UBA5: variants seen among roughly 807,000 people sequenced by gnomAD.
The protein encoded by UBA5 is ubiquitin-like modifier-activating enzyme 5.
A neutral mutation model predicts 52.9 loss-of-function variants in UBA5; 28 were observed. The ratio of observed to expected loss-of-function variants is 0.53; its 90% CI spans 0.39 to 0.73. UBA5 has a LOEUF of 0.73. UBA5 is among the 30% of genes least tolerant of loss of function. UBA5 has a pLI of 0.00. For synonymous variants in UBA5, 135 were observed against 162.1 expected, an observed-to-expected ratio of 0.83 and a Z score of 1.27; for missense variants, 388 against 492.7, an observed-to-expected ratio of 0.79 and a Z score of 2.01.
chr3:132,663,242 T>G (rs1233269386), intron 1 of UBA5, among the ~76,000 whole-genome samples: 2 of 151,986 alleles, frequency 1.3e-5, no homozygotes, highest in African/African-American at 2.4e-5. Flanking sequence ...TAAAAAAAAC[T>G]TTCAGTTGAA....
chr3:132,678,667 T>A lies in UBA5; in HGVS notation c.*2141T>A, dbSNP rs1938930224. 6.6e-6 allele frequency among the ~76,000 whole-genome samples: 1 copy of A among 152,134 alleles called. No homozygotes were observed. The highest frequency in any genetic ancestry group is 6.5e-5 in the Admixed American group (1 of 15,280). On this transcript the variant is annotated 3_prime_UTR_variant, in exon 12 of 12. Coordinates refer to ENST00000356232, the MANE Select transcript of UBA5 (RefSeq NM_024818.6). ...ATATTTATTTATTTATTTATTTTTTTGAGACAGAGTCTCACTCTGTTGCCC... is the reference window on the plus strand; with the variant it reads ...ATATTTATTTATTTATTTATTTTTTAGAGACAGAGTCTCACTCTGTTGCCC...
intron 1 of UBA5, among the ~76,000 whole-genome samples, chr3:132,665,191 T>C (rs938682188): frequency 2.0e-5 from 3 of 151,996 alleles, no homozygotes; most frequent in Non-Finnish European, 4.4e-5. Flanking sequence ...GCATGTTGTT[T>C]AGGAATATGA....
intron 1 of UBA5, among the ~76,000 whole-genome samples, chr3:132,665,486 T>C (rs927570107): frequency 6.6e-5 from 10 of 152,130 alleles, no homozygotes; most frequent in African/African-American, 2.2e-4. Context: ...GTTAAAACAT[T>C]AAATATTTAC....
upstream of UBA5, chr3:132,659,805 G>A (rs559137175): frequency 4.5e-5 from 69 of 1,533,248 alleles, no homozygotes; most frequent in Non-Finnish European, 5.9e-5. Flanking sequence ...GAGTGCCGAA[G>A]TCCTTCAGGA....
chr3:132,672,208 T>G, intron 8 of UBA5, 31 bp downstream of exon 8: 2 of 1,596,810 alleles, frequency 1.3e-6, no homozygotes, highest in East Asian at 4.5e-5. Flanking sequence ...CTGAATAGTC[T>G]TGTATGCTTT....
rs1938802570 is a variant in UBA5 at position 132,675,602 on chromosome 3, C to T, written c.949-3C>T. On this transcript the variant is annotated splice_region_variant and splice_polypyrimidine_tract_variant and intron_variant, in intron 9 of 11. Transcript: ENST00000356232. ...ACACTTTGATGCTGTTTGATTTCTA[C>T]AGAAAAAGGTAGCAGCACTGCCTAA... 2 of 1,608,196 alleles carry T rather than the reference C, an allele frequency of 1.2e-6. No individual in the cohort carries two copies. Among genetic ancestry groups the T allele is most frequent in the South Asian group, 1.1e-5 (1 of 89,702 alleles).
intron 4 of UBA5, among the ~76,000 whole-genome samples, chr3:132,669,996 T>C (rs1408066688): frequency 6.6e-6 from 1 of 152,212 alleles, no homozygotes; most frequent in Non-Finnish European, 1.5e-5. Context: ...CACAGTTTTT[T>C]CTTACTACAG....
In UBA5 at chr3:132,676,580, T is replaced by C. The variant is rs1278380908; in HGVS notation, c.*54T>C. On this transcript the variant is annotated 3_prime_UTR_variant, in exon 12 of 12. Transcript: ENST00000356232. This position sits in a 1 kb window ranked among gnomAD's most constrained non-coding sequence, Gnocchi z 4.1. ...CATGTTAAAGCCTCTTCCCTTGAAA[T>C]TAAAAAAAAATTTTAACTGATAAAA... The C allele has an allele frequency of 2.8e-5, 38 of 1,381,436 alleles. No individual in the cohort carries two copies. The highest frequency in any genetic ancestry group is 3.8e-5 in the Non-Finnish European group (38 of 998,310). The allele number at this position is 1,381,436 out of a possible 1,614,324, so 85.6% of individuals were successfully genotyped here.
intron 4 of UBA5, 42 bp from the exon 5 acceptor site, chr3:132,670,156 C>G (rs1289301005): frequency 2.0e-6 from 2 of 982,008 alleles, no homozygotes; most frequent in African/African-American, 3.3e-5. Flanking sequence ...TCTTGAAATG[C>G]TAGGATTACA....
chr3:132,671,452 T>C (rs1938597087), intron 6 of UBA5, among the ~76,000 whole-genome samples: 1 of 152,212 alleles, frequency 6.6e-6, no homozygotes, highest in Admixed American at 6.5e-5. Flanking sequence ...ATATTGTTTT[T>C]AACTTTTCAG....
chr3:132,662,464 C>T (rs1287863660), intron 1 of UBA5, among the ~76,000 whole-genome samples: 2 of 152,026 alleles, frequency 1.3e-5, no homozygotes, highest in African/African-American at 2.4e-5. Context: ...AGTAAACATG[C>T]CATTGCAGTA....
Position 132,660,732 on chromosome 3 carries a change from G to T in UBA5, c.161+34G>T. On this transcript the variant is annotated intron_variant, in intron 1 of 11. Coordinates refer to ENST00000356232, the MANE Select transcript of UBA5 (RefSeq NM_024818.6). The surrounding 1 kb of genome is among the most constrained non-coding windows in gnomAD (Gnocchi z 4.1). ...CGTCGCCGGTCGGAGGCAGGCGCGG[G>T]GGACGAGGTCAGGCTCCGTGAGGTC... 3 of 1,507,634 alleles carry T rather than the reference G, an allele frequency of 2.0e-6. No individual in the cohort carries two copies. In the South Asian group the frequency reaches 3.9e-5, roughly 19 times the overall value. 93.4% of individuals were successfully genotyped at this position (1,507,634 alleles called of 1,614,324 possible). A position where few individuals can be genotyped will look rare whatever the true frequency, so the allele number is the denominator to read the frequency against.
rs952787411 is a variant in UBA5 at position 132,678,822 on chromosome 3, G to C, written c.*2296G>C. On this transcript the variant is annotated 3_prime_UTR_variant, in exon 12 of 12. Transcript: ENST00000356232. ...CCGCCACCACGCATGGCTAATTTTT[G>C]TATTTTTAGTAGAGGCGAGGTTTCA... 6.6e-6 allele frequency among the ~76,000 whole-genome samples: 1 copy of C among 151,404 alleles called. No homozygotes were observed. The highest frequency in any genetic ancestry group is 6.6e-5 in the Admixed American group (1 of 15,194).
upstream of UBA5, chr3:132,660,065 A>C: frequency 2.7e-6 from 1 of 367,574 alleles, no homozygotes; most frequent in East Asian, 5.0e-5. This position sits in a 1 kb window ranked among gnomAD's most constrained non-coding sequence, Gnocchi z 4.1. Flanking sequence ...GGAACAACGC[A>C]GAAGCCTCTT....
chr3:132,666,111 A>G, intron 3 of UBA5, 38 bp downstream of exon 3: 2 of 1,565,110 alleles, frequency 1.3e-6, no homozygotes, highest in South Asian at 2.2e-5. Flanking sequence ...ATAGGGAACT[A>G]CTCACTCCTG....
At chr3:132,667,630 C>G (rs1938432090) in intron 3 of UBA5, 1 of 152,116 alleles carries the variant, frequency 6.6e-6, no homozygotes, top group African/African-American at 2.4e-5. Flanking sequence ...TCCCTGAAAG[C>G]CTTTGGATCT....
At chr3:132,658,961 G>A (rs1038633208), upstream of UBA5, among the ~76,000 whole-genome samples, 1 of 152,088 alleles carries the variant, frequency 6.6e-6, no homozygotes, top group Non-Finnish European at 1.5e-5. Context: ...CTGAATGATA[G>A]GACTCTTTCT....
Position 132,672,169 on chromosome 3 carries a change from C to T in UBA5, c.804C>T (p.Asn268=), listed in dbSNP as rs763860645. Residue 268 remains asparagine, a synonymous_variant, in exon 8 of 12, where the codon AAC becomes AAT. Transcript: ENST00000356232. ...TGGTTGCTGGGATCTTAGTACAAAA[C>T]GTGTTAAAGTAAGTCAGGGCTAATT... is the stretch of plus-strand genomic sequence containing the variant. ...MGVVAGILVQ[N]VLKFLLNFGT... is the part of the protein sequence containing the mutation. 1.2e-5 allele frequency: 19 copies of T among 1,613,340 alleles called. No homozygotes were observed. The South Asian group carries it at 1.3e-4, about 11-fold the overall frequency.
chr3:132,676,023 A>T lies in UBA5; in HGVS notation c.1131+100A>T. The T allele has an allele frequency of 1.2e-6, 1 of 820,444 alleles. No individual in the cohort carries two copies. Among genetic ancestry groups the T allele is most frequent in the Non-Finnish European group, 1.9e-6 (1 of 525,124 alleles). 50.8% of individuals were successfully genotyped at this position (820,444 alleles called of 1,614,324 possible). ...GCCAATGAAGTATTTCCTGTTTTAG[A>T]TATTTTATGCTATAGGCATTAAGAT... On this transcript the variant is annotated intron_variant, in intron 11 of 11. Coordinates refer to ENST00000356232, the MANE Select transcript of UBA5 (RefSeq NM_024818.6). This position sits in a 1 kb window ranked among gnomAD's most constrained non-coding sequence, Gnocchi z 4.1.
Sources: allele counts gnomAD v4.1 joint callset (sites outside exome capture counted in the v4.1 genomes callset), GRCh38; gene constraint gnomAD v4.1.1; non-coding constraint Gnocchi (gnomAD v3.1); transcripts MANE v1.5; gene names NCBI Gene and HGNC (gene_info 2026-07-23, HGNC 2026-07-21).